AGTR1: variants seen among roughly 807,000 people sequenced by gnomAD.
The protein encoded by AGTR1 is type-1 angiotensin II receptor.
In AGTR1, 16 loss-of-function variants were observed where a neutral mutation model predicts 19.4. The observed-to-expected ratio is 0.82, with a 90% confidence interval of 0.56 to 1.25. AGTR1 has a LOEUF of 1.25. Among genes scored for constraint, AGTR1 ranks in the 50% most tolerant of loss-of-function variants. The pLI, the probability that AGTR1 is intolerant of heterozygous loss-of-function variation, is 0.00. For missense variants in AGTR1, 373 were observed against 431.9 expected (o/e 0.86, Z 1.21); for synonymous variants, 153 against 154.9 (o/e 0.99, Z 0.09).
chr3:148,709,826 A>G (rs1441497966), intron 2 of AGTR1, among the ~76,000 whole-genome samples: 1 of 152,182 alleles, frequency 6.6e-6, no homozygotes, highest in East Asian at 1.9e-4. Context: ...AGCTTGTTTC[A>G]CAGGACCAAA....
intron 2 of AGTR1, among the ~76,000 whole-genome samples, chr3:148,721,557 C>A (rs1489235699): frequency 6.6e-6 from 1 of 152,156 alleles, no homozygotes; most frequent in African/African-American, 2.4e-5. Flanking sequence ...GGGCAGTGAT[C>A]CCTGGAGGAT....
chr3:148,730,116 G>A, intron 2 of AGTR1: 1 of 397,338 alleles, frequency 2.5e-6, no homozygotes, highest in Non-Finnish European at 4.4e-6. Context: ...CACCAAACTG[G>A]ACACATGCTT....
intron 2 of AGTR1, among the ~76,000 whole-genome samples, chr3:148,717,387 A>G (rs1713364320): frequency 6.6e-6 from 1 of 152,184 alleles, no homozygotes; most frequent in South Asian, 2.1e-4. Context: ...AACCAATGCC[A>G]GGGCCAGCAA....
chr3:148,721,718 T>C (rs774313078), intron 2 of AGTR1, among the ~76,000 whole-genome samples: 24 of 151,978 alleles, frequency 1.6e-4, no homozygotes, highest in Non-Finnish European at 2.5e-4. Context: ...GAGGCTAGAG[T>C]TCAGAGTACC....
rs147671734 is a variant in AGTR1, at chr3:148,721,187, G to C, written c.-48+13160G>C. Among the ~76,000 whole-genome samples, 11 of 152,262 alleles carry C rather than the reference G, an allele frequency of 7.2e-5. No homozygotes were observed. The East Asian group carries it at 2.1e-3, about 29-fold the overall frequency. ...AAAAGTGGCTCAGGTTATCTTGCTC[G>C]GGAGAGAAAATGTTCATTCAGCTCC... On this transcript the variant is annotated intron_variant, in intron 2 of 2. Transcript: ENST00000349243.
intron 1 of AGTR1, among the ~76,000 whole-genome samples, chr3:148,704,471 C>T (rs769731440): frequency 7.2e-5 from 11 of 152,094 alleles, no homozygotes; most frequent in Non-Finnish European, 1.2e-4. Flanking sequence ...AAAGTAAATT[C>T]TCCCTTGGAT....
intron 2 of AGTR1, among the ~76,000 whole-genome samples, chr3:148,739,225 G>A (rs952018997): frequency 6.6e-6 from 1 of 152,224 alleles, no homozygotes; most frequent in South Asian, 2.1e-4. Context: ...TGGGCATGAT[G>A]GTACACACTG....
At chr3:148,700,063 T>C (rs1156933018) in intron 1 of AGTR1, among the ~76,000 whole-genome samples, 1 of 152,190 alleles carries the variant, frequency 6.6e-6, no homozygotes. Context: ...TTCTCTCTCT[T>C]ATCGTGGGTC....
chr3:148,740,731 A>G (rs970253022), intron 2 of AGTR1, among the ~76,000 whole-genome samples: 1 of 152,236 alleles, frequency 6.6e-6, no homozygotes, highest in Non-Finnish European at 1.5e-5. Context: ...AAGGACCTAG[A>G]TAGGTTTATT....
intron 1 of AGTR1, among the ~76,000 whole-genome samples, chr3:148,705,797 G>C (rs1357010447): frequency 2.6e-5 from 4 of 151,780 alleles, no homozygotes; most frequent in Non-Finnish European, 5.9e-5. Flanking sequence ...TATAACATAT[G>C]AATCGTAAGT....
chr3:148,735,644 A>G (rs1393948899), intron 2 of AGTR1, among the ~76,000 whole-genome samples: 1 of 152,218 alleles, frequency 6.6e-6, no homozygotes, highest in African/African-American at 2.4e-5. Context: ...AGAAATAAGA[A>G]CAAGTAGATC....
At chr3:148,720,770 G>A (rs545632761) in intron 2 of AGTR1, among the ~76,000 whole-genome samples, 102 of 152,228 alleles carry the variant, frequency 6.7e-4, no homozygotes, top group African/African-American at 2.2e-3. Context: ...AGATATCTTT[G>A]CATTAAAAAA....
chr3:148,706,559 G>T (rs1392146268), intron 1 of AGTR1, among the ~76,000 whole-genome samples: 1 of 151,884 alleles, frequency 6.6e-6, no homozygotes, highest in Non-Finnish European at 1.5e-5. Context: ...CATAAACAAA[G>T]TTATCATCTA....
chr3:148,727,113 T>G lies in AGTR1; in HGVS notation c.-47-13876T>G, dbSNP rs77750022. On this transcript the variant is annotated intron_variant, in intron 2 of 2. Coordinates refer to ENST00000349243, the MANE Select transcript of AGTR1 (RefSeq NM_000685.5). ...TGCCTACAAAAACTACTCCATGCCTTTATTAGTCAGAAAAGCAGTTTTGTA... is the reference window on the plus strand; with the variant it reads ...TGCCTACAAAAACTACTCCATGCCTGTATTAGTCAGAAAAGCAGTTTTGTA... Among the ~76,000 whole-genome samples the G allele has an allele frequency of 6.0e-3, 910 of 152,318 alleles. 10 individuals are homozygous for G. Among genetic ancestry groups the G allele is most frequent in the African/African-American group, 0.021 (858 of 41,556 alleles).
At position 148,741,336 on chromosome 3, in the gene AGTR1, T is replaced by C. The variant is rs751231086; in HGVS notation, c.301T>C (p.Cys101Arg). 2.5e-6 allele frequency: 4 copies of C among 1,608,312 alleles called. No individual in the cohort carries two copies. The highest frequency in any genetic ancestry group is 2.5e-6 in the Non-Finnish European group (3 of 1,179,682). The part of the protein sequence containing the change: ...EYRWPFGNYL[C>R]KIASASVSFN... ...CCGCTGGCCCTTTGGCAATTACCTATGTAAGATTGCTTCAGCCAGCGTCAG... is the reference window on the plus strand; with the variant it reads ...CCGCTGGCCCTTTGGCAATTACCTACGTAAGATTGCTTCAGCCAGCGTCAG... The change falls in exon 3 of 3, where the codon TGT becomes CGT. Residue 101 changes from cysteine to arginine, a missense_variant. By Grantham distance (180) the Cys-to-Arg change is radical. Coordinates refer to ENST00000349243, the MANE Select transcript of AGTR1 (RefSeq NM_000685.5).
intron 2 of AGTR1, among the ~76,000 whole-genome samples, chr3:148,721,638 G>C (rs1468902511): frequency 6.6e-6 from 1 of 152,124 alleles, no homozygotes; most frequent in East Asian, 1.9e-4. Context: ...TACAGGGATG[G>C]TACACCCAGG....
chr3:148,727,355 C>T (rs1278487223), intron 2 of AGTR1, among the ~76,000 whole-genome samples: 1 of 152,170 alleles, frequency 6.6e-6, no homozygotes, highest in Non-Finnish European at 1.5e-5. Flanking sequence ...GCTGAATTTA[C>T]ACTTAAATAT....
intron 2 of AGTR1, among the ~76,000 whole-genome samples, chr3:148,734,111 T>G (rs964389647): frequency 6.6e-6 from 1 of 152,224 alleles, no homozygotes. Context: ...GTTTAATTTA[T>G]AGTAAGTGGG....
intron 2 of AGTR1, among the ~76,000 whole-genome samples, chr3:148,735,909 T>C (rs1373495209): frequency 6.6e-6 from 1 of 152,212 alleles, no homozygotes; most frequent in Non-Finnish European, 1.5e-5. Flanking sequence ...ACAAACATTT[T>C]CCTACTCTTT....
Sources: gnomAD v4.1 joint callset for allele counts (sites outside exome capture counted in the v4.1 genomes callset) on GRCh38, gnomAD v4.1.1 for gene constraint, MANE v1.5 for transcripts, NCBI Gene and HGNC (gene_info 2026-07-23, HGNC 2026-07-21) for gene names.